The following TMPRSS9 variants were observed in gnomAD, a reference collection of about 807,000 sequenced individuals.
The protein encoded by TMPRSS9 is transmembrane protease serine 9.
Under a neutral mutation model 111.4 loss-of-function variants are expected in TMPRSS9, and 113 were observed. The observed-to-expected ratio is 1.01, with a 90% CI of 0.87 to 1.19. The LOEUF (loss-of-function observed/expected upper bound fraction) is 1.19. Among genes scored for constraint, TMPRSS9 ranks in the 50% most tolerant of loss-of-function variants. The pLI is 0.00. For missense variants in TMPRSS9, 1,803 were observed against 1,513.1 expected, an observed-to-expected ratio of 1.19 and a Z score of -3.18; for synonymous variants, 805 against 659.1, an observed-to-expected ratio of 1.22 and a Z score of -3.39.
At chr19:2,422,140 T>C in exon 14 of TMPRSS9, 2 of 1,592,844 alleles carry the variant, frequency 1.3e-6, no homozygotes, top group East Asian at 4.5e-5. Context: ...GCCAGCAGGG[T>C]GACGGGCCAA....
chr19:2,413,052 G>A (rs545029730), intron 9 of TMPRSS9, among the ~76,000 whole-genome samples: 25 of 152,064 alleles, frequency 1.6e-4, no homozygotes, highest in African/African-American at 5.5e-4. Flanking sequence ...GAAATTAGCC[G>A]GGCGTGGTGA....
chr19:2,382,432 A>C (rs1970395874), intron 1 of TMPRSS9, among the ~76,000 whole-genome samples: 1 of 152,312 alleles, frequency 6.6e-6, no homozygotes, highest in South Asian at 2.1e-4. Context: ...GCGCCCGGTC[A>C]AAACATTTTT....
chr19:2,416,353 T>G, intron 11 of TMPRSS9, 185 bp from the exon 13 acceptor site: 1 of 756,008 alleles, frequency 1.3e-6, no homozygotes, highest in Non-Finnish European at 2.0e-6. Flanking sequence ...TTGGGATCCT[T>G]TTCAGGAGGA....
intron 1 of TMPRSS9, among the ~76,000 whole-genome samples, chr19:2,380,070 T>G (rs1241514841): frequency 6.6e-6 from 1 of 151,868 alleles, no homozygotes; most frequent in Non-Finnish European, 1.5e-5. Context: ...TTAACTTTAG[T>G]TTTAATAGCC....
chr19:2,409,023 T>TAATAATAATAAC (rs2049380617), intron 8 of TMPRSS9, among the ~76,000 whole-genome samples: 1 of 143,344 alleles, frequency 7.0e-6, no homozygotes, highest in Non-Finnish European at 1.5e-5. Flanking sequence ...ATAATAATAA[T>TAATAATAATAAC]AATAATAATG....
At chr19:2,369,168 C>T (rs1970270839) in intron 1 of TMPRSS9, among the ~76,000 whole-genome samples, 1 of 151,990 alleles carries the variant, frequency 6.6e-6, no homozygotes. Context: ...CCATGCTGGT[C>T]TCAAACTCCT....
rs994483732 is a variant in TMPRSS9, at chr19:2,402,599, G to C, written c.557-483G>C. 2.6e-5 allele frequency among the ~76,000 whole-genome samples: 4 copies of C among 152,032 alleles called. 1 individual carries two copies. The South Asian group carries it at 8.3e-4, about 32-fold the overall frequency. On this transcript the variant is annotated intron_variant, in intron 5 of 17. Transcript: ENST00000648592. ...ACTAAAAATACAAAATTAGCCAGGC[G>C]TGGTGGGGCGTGCCTGTAATCCCAG...
intron 1 of TMPRSS9, among the ~76,000 whole-genome samples, chr19:2,370,195 G>A (rs570620929): frequency 2.6e-5 from 4 of 151,296 alleles, no homozygotes; most frequent in Non-Finnish European, 5.9e-5. Flanking sequence ...GGTGACAAGA[G>A]ACTTCATTTC....
chr19:2,416,800 G>A (rs764290234), exon 12 of TMPRSS9: 2 of 1,608,794 alleles, frequency 1.2e-6, no homozygotes, highest in East Asian at 2.2e-5. Flanking sequence ...AAATACGCAG[G>A]AAGGAAATGG....
intron 7 of TMPRSS9, among the ~76,000 whole-genome samples, chr19:2,406,036 A>C (rs1380760742): frequency 2.7e-5 from 3 of 111,960 alleles, no homozygotes; most frequent in Admixed American, 1.1e-4. Flanking sequence ...TTTGAGATGG[A>C]GTCTCGCTCT....
Position 2,408,394 on chromosome 19 carries a change from C to T in TMPRSS9, c.881C>T (p.Ala294Val), listed in dbSNP as rs757978189. 23 of 1,613,686 alleles carry T rather than the reference C, an allele frequency of 1.4e-5. No homozygotes were observed. In the South Asian group the frequency reaches 1.8e-4, roughly 12 times the overall value. The change falls in exon 8 of 18, where the codon GCG becomes GTG. Residue 294 changes from alanine to valine, a missense_variant. Ala to Val is a moderately conservative substitution (Grantham distance 64). Coordinates refer to ENST00000648592, the Ensembl canonical transcript of TMPRSS9. ...ACGAAGTGGGTGGCCTACGTGGGTG[C>T]GACCTACCTCAGCGGCTCGGAGGCC...
intron 14 of TMPRSS9, among the ~76,000 whole-genome samples, chr19:2,422,918 G>A (rs1971498927): frequency 6.6e-6 from 1 of 151,714 alleles, no homozygotes; most frequent in South Asian, 2.1e-4. Context: ...AAAGCCAGGC[G>A]TGATGGTGCA....
rs544269069 is a variant in TMPRSS9, at chr19:2,401,219, A to C, written c.515-756A>C. 3.3e-5 allele frequency among the ~76,000 whole-genome samples: 5 copies of C among 152,148 alleles called. No individual in the cohort carries two copies. In the East Asian group the frequency reaches 9.7e-4, roughly 29 times the overall value. ...AACCCGGGAGGCGGAGCTTGAAGTGAGCCGAGATCGCGCCACTGCTCTCCA... is the reference window on the plus strand; with the variant it reads ...AACCCGGGAGGCGGAGCTTGAAGTGCGCCGAGATCGCGCCACTGCTCTCCA... On this transcript the variant is annotated intron_variant, in intron 4 of 17. Coordinates refer to ENST00000648592, the Ensembl canonical transcript of TMPRSS9.
At chr19:2,387,761 T>C (rs974166947), upstream of TMPRSS9, among the ~76,000 whole-genome samples, 1 of 151,396 alleles carries the variant, frequency 6.6e-6, no homozygotes, top group East Asian at 1.9e-4. Flanking sequence ...AAAGAAAAAA[T>C]AAAAATCAGG....
chr19:2,425,509 G>A lies in TMPRSS9; in HGVS notation c.3120+16G>A, dbSNP rs1469855021. On this transcript the variant is annotated intron_variant, in intron 17 of 17. Coordinates refer to ENST00000648592, the Ensembl canonical transcript of TMPRSS9. ...CAGCTGCTCGGTGAGCCCCGCCCCG[G>A]CCCAGGGGACCAGGTCCCGCCCAGC... 19 of 1,555,800 alleles carry A rather than the reference G, an allele frequency of 1.2e-5. No individual in the cohort carries two copies. Among genetic ancestry groups the A allele is most frequent in the African/African-American group, 1.4e-5 (1 of 73,350 alleles).
chr19:2,390,368 C>T (rs900055675), intron 1 of TMPRSS9, among the ~76,000 whole-genome samples: 5 of 149,396 alleles, frequency 3.3e-5, no homozygotes, highest in South Asian at 2.1e-4. Context: ...TCAGCCTCCC[C>T]GAGTAGCTGG....
In TMPRSS9 at chr19:2,367,603, G is replaced by T. The variant is rs553551359; in HGVS notation, c.-26+7243G>T. Among the ~76,000 whole-genome samples, 8 of 139,384 alleles carry T rather than the reference G, an allele frequency of 5.7e-5. No individual in the cohort carries two copies. In the Admixed American group the frequency reaches 6.3e-4, roughly 11 times the overall value. The allele number at this position is 139,384 out of a possible 152,430, so 91.4% of individuals were successfully genotyped here. A position where few individuals can be genotyped will look rare whatever the true frequency, so the allele number is the denominator to read the frequency against. ...TTTTGAGAGGGAGTCTTGCTCCGTC[G>T]CCCAGGCTAGAATTCAGTGGCACGA... On this transcript the variant is annotated intron_variant, in intron 1 of 17. Transcript: ENST00000649857.
intron 11 of TMPRSS9, 71 bp from the exon 13 acceptor site, chr19:2,416,467 A>C: frequency 6.5e-7 from 1 of 1,536,990 alleles, no homozygotes; most frequent in Non-Finnish European, 8.7e-7. Context: ...GGTGTGCATC[A>C]GCCCTGTCCC....
chr19:2,381,223 C>G (rs1488910640), intron 1 of TMPRSS9, among the ~76,000 whole-genome samples: 1 of 152,018 alleles, frequency 6.6e-6, no homozygotes, highest in Admixed American at 6.6e-5. Context: ...ATGTTTGATG[C>G]TAAATAGCTG....
Sources: allele counts gnomAD v4.1 joint callset (sites outside exome capture counted in the v4.1 genomes callset), GRCh38; gene constraint gnomAD v4.1.1; transcripts MANE v1.5; gene names NCBI Gene and HGNC (gene_info 2026-07-23, HGNC 2026-07-21).